Variants in MDGA2 observed in about 807,000 individuals in gnomAD.
MDGA2 encodes MAM domain-containing glycosylphosphatidylinositol anchor protein 2.
A neutral mutation model predicts 117.8 loss-of-function variants in MDGA2; 40 were observed. The ratio of observed to expected loss-of-function variants is 0.34; its 90% CI spans 0.26 to 0.44. MDGA2 has a LOEUF of 0.44. MDGA2 is among the 20% of genes least tolerant of loss of function. MDGA2 has a pLI of 1.00. For synonymous variants in MDGA2, 452 were observed against 439.0 expected, an observed-to-expected ratio of 1.03 and a Z score of -0.37; for missense variants, 1,123 against 1,250.6, an observed-to-expected ratio of 0.90 and a Z score of 1.54.
At chr14:47,230,774 A>C (rs1437154431) in intron 2 of MDGA2, among the ~76,000 whole-genome samples, 1 of 151,978 alleles carries the variant, frequency 6.6e-6, no homozygotes, top group East Asian at 1.9e-4. Context: ...TCAATAAGAT[A>C]TGCGAAACTA....
intron 5 of MDGA2, among the ~76,000 whole-genome samples, chr14:47,121,606 T>C (rs1211353509): frequency 1.3e-5 from 2 of 152,100 alleles, no homozygotes; most frequent in South Asian, 2.1e-4. Context: ...TCACAAAGGA[T>C]ATTTTCAGTA....
chr14:47,449,609 C>G (rs1219815528), intron 1 of MDGA2, among the ~76,000 whole-genome samples: 2 of 152,008 alleles, frequency 1.3e-5, no homozygotes, highest in African/African-American at 4.8e-5. Flanking sequence ...AAAACTATAG[C>G]TAGAGAGAGC....
At chr14:47,373,821 T>C (rs1200182989) in intron 1 of MDGA2, among the ~76,000 whole-genome samples, 1 of 152,172 alleles carries the variant, frequency 6.6e-6, no homozygotes, top group Non-Finnish European at 1.5e-5. Flanking sequence ...TTGTATGGCA[T>C]AAGAATAATA....
At chr14:47,632,726 A>G (rs572259579) in intron 1 of MDGA2, among the ~76,000 whole-genome samples, 1 of 152,230 alleles carries the variant, frequency 6.6e-6, no homozygotes, top group African/African-American at 2.4e-5. Flanking sequence ...CTGTCTTCTA[A>G]GACTTGGCAT....
intron 10 of MDGA2, among the ~76,000 whole-genome samples, chr14:46,890,584 G>A (rs928154687): frequency 1.3e-5 from 2 of 151,958 alleles, no homozygotes; most frequent in African/African-American, 4.8e-5. Flanking sequence ...AGCATCAGTG[G>A]GTCTCTCAGT....
At chr14:47,609,781 C>T (rs1566539944) in intron 1 of MDGA2, among the ~76,000 whole-genome samples, 1 of 151,788 alleles carries the variant, frequency 6.6e-6, no homozygotes, top group Non-Finnish European at 1.5e-5. Flanking sequence ...AGAATTCTAC[C>T]AGACATTCAA....
At chr14:47,513,412 G>A (rs193106149) in intron 1 of MDGA2, among the ~76,000 whole-genome samples, 94 of 152,180 alleles carry the variant, frequency 6.2e-4, no homozygotes, top group African/African-American at 2.2e-3. Flanking sequence ...ATCTCCTGAT[G>A]TGGAAAATGT....
At chr14:47,433,744 G>A (rs557508383) in intron 1 of MDGA2, among the ~76,000 whole-genome samples, 1 of 152,188 alleles carries the variant, frequency 6.6e-6, no homozygotes, top group African/African-American at 2.4e-5. Context: ...TGAGAAAAAT[G>A]AAATCATCTC....
chr14:47,201,790 T>G (rs1311686204), intron 3 of MDGA2, among the ~76,000 whole-genome samples: 1 of 152,166 alleles, frequency 6.6e-6, no homozygotes, highest in Non-Finnish European at 1.5e-5. Context: ...TTCCAGTCCC[T>G]CCAGATTCTC....
chr14:46,896,224 T>C (rs1171227060), intron 10 of MDGA2, among the ~76,000 whole-genome samples: 3 of 152,158 alleles, frequency 2.0e-5, no homozygotes, highest in East Asian at 1.9e-4. Context: ...AACATACTGA[T>C]GTACCATAGC....
At chr14:47,537,177 C>T (rs569523806) in intron 1 of MDGA2, among the ~76,000 whole-genome samples, 2 of 152,050 alleles carry the variant, frequency 1.3e-5, no homozygotes, top group African/African-American at 4.8e-5. Flanking sequence ...ATTCTGCCAA[C>T]TGTCATTCTC....
intron 1 of MDGA2, among the ~76,000 whole-genome samples, chr14:47,445,331 G>C (rs890129116): frequency 6.6e-5 from 10 of 152,122 alleles, no homozygotes; most frequent in African/African-American, 2.4e-4. Context: ...AAAAATGTCT[G>C]CTTTTGGCCA....
chr14:47,101,812 T>C (rs927527415), intron 5 of MDGA2, among the ~76,000 whole-genome samples: 1 of 152,062 alleles, frequency 6.6e-6, no homozygotes, highest in Non-Finnish European at 1.5e-5. Context: ...AATAAAGAGT[T>C]GAAAGAAAAA....
intron 1 of MDGA2, among the ~76,000 whole-genome samples, chr14:47,355,128 G>A (rs964687426): frequency 3.3e-5 from 5 of 152,074 alleles, no homozygotes; most frequent in Non-Finnish European, 7.4e-5. Context: ...GCTGCATTAG[G>A]GCCCCACCAG....
At chr14:47,499,298 G>A (rs573725137) in intron 1 of MDGA2, among the ~76,000 whole-genome samples, 2 of 152,114 alleles carry the variant, frequency 1.3e-5, no homozygotes, top group Admixed American at 1.3e-4. Flanking sequence ...CAATACTCCA[G>A]GATTTGCTAT....
intron 1 of MDGA2, among the ~76,000 whole-genome samples, chr14:47,554,854 A>T (rs1172901193): frequency 1.3e-5 from 2 of 152,182 alleles, no homozygotes; most frequent in Non-Finnish European, 2.9e-5. Context: ...AACAAAAGTT[A>T]TTCACCACTA....
intron 1 of MDGA2, among the ~76,000 whole-genome samples, chr14:47,566,350 C>G (rs1477413268): frequency 2.6e-5 from 4 of 152,158 alleles, no homozygotes; most frequent in Non-Finnish European, 5.9e-5. Flanking sequence ...CAGGAGAGGT[C>G]AGCAGACAGA....
chr14:47,370,067 T>G (rs1891312275), intron 1 of MDGA2, among the ~76,000 whole-genome samples: 2 of 152,004 alleles, frequency 1.3e-5, no homozygotes, highest in South Asian at 4.1e-4. Context: ...GACATATTCT[T>G]TTTTCGTTTT....
chr14:47,559,136 A>G lies in MDGA2; in HGVS notation c.280+115381T>C, dbSNP rs187900893. 1.3e-4 allele frequency among the ~76,000 whole-genome samples: 20 copies of G among 152,302 alleles called. No homozygotes were observed. In the East Asian group the frequency reaches 3.9e-3, roughly 29 times the overall value. On this transcript the variant is annotated intron_variant, in intron 1 of 16. Coordinates refer to ENST00000399232, the MANE Select transcript of MDGA2 (RefSeq NM_001113498.3). The stretch of plus-strand genomic sequence containing the variant: ...AAGGGTACACGTGCAGATTTATTAC[A>G]TAGGTAAATTGCGTGTTGCAAGGGT...
Sources: allele counts gnomAD v4.1 joint callset (sites outside exome capture counted in the v4.1 genomes callset), GRCh38; gene constraint gnomAD v4.1.1; transcripts MANE v1.5; gene names NCBI Gene and HGNC (gene_info 2026-07-23, HGNC 2026-07-21).